FBXO30: variants seen among roughly 807,000 people sequenced by gnomAD.
The protein encoded by FBXO30 is F-box only protein 30.
A neutral mutation model predicts 58.1 loss-of-function variants in FBXO30; 21 were observed. The observed-to-expected ratio is 0.36, with a 90% CI of 0.26 to 0.52. FBXO30 has a LOEUF of 0.52. Ranked by LOEUF, FBXO30 falls within the 20% of genes least tolerant of loss-of-function variation. The probability of loss-of-function intolerance (pLI) is 0.93; values close to 1 mark genes in which losing one functional copy is unlikely to be tolerated. For synonymous variants in FBXO30, 309 were observed against 312.4 expected, an observed-to-expected ratio of 0.99 and a Z score of 0.11; for missense variants, 744 against 897.3, an observed-to-expected ratio of 0.83 and a Z score of 2.18.
At position 145,797,405 on chromosome 6, in the gene FBXO30, C is replaced by A. The variant is rs1271350586; in HGVS notation, c.*2701G>T. The A allele has an allele frequency of 6.6e-6, 1 of 152,040 alleles. No individual in the cohort carries two copies. Among genetic ancestry groups the A allele is most frequent in the Non-Finnish European group, 1.5e-5 (1 of 67,970 alleles). The allele number at this position is 152,040 out of a possible 1,614,324, so 9.4% of individuals were successfully genotyped here. Reference sequence around the variant, plus strand: ...ACACACAGGTACACACATATATCCACTCCAGTAATGCACCAGAGGGTAGCT... The same window carrying A: ...ACACACAGGTACACACATATATCCAATCCAGTAATGCACCAGAGGGTAGCT... On this transcript the variant is annotated 3_prime_UTR_variant, in exon 3 of 3. Coordinates refer to ENST00000237281, the MANE Select transcript of FBXO30 (RefSeq NM_032145.5).
At position 145,797,135 on chromosome 6, in the gene FBXO30, AG is replaced by A; in HGVS notation, c.*2970del. ...CACTAAACAAGAGAATGAGATGACTAGGCTAAATGTTACTGCTAATGAACTA... is the reference window on the plus strand; with the variant it reads ...CACTAAACAAGAGAATGAGATGACTAGCTAAATGTTACTGCTAATGAACTA... On this transcript the variant is annotated 3_prime_UTR_variant, in exon 3 of 3. Transcript: ENST00000237281. 6.6e-6 allele frequency: 1 copy of A among 152,100 alleles called. No homozygotes were observed. The highest frequency in any genetic ancestry group is 2.1e-4 in the South Asian group (1 of 4,830). The allele number at this position is 152,100 out of a possible 1,614,324, so 9.4% of individuals were successfully genotyped here.
rs972723724 is a variant in FBXO30, at chr6:145,796,302, T to C, written c.*3804A>G. On this transcript the variant is annotated 3_prime_UTR_variant, in exon 3 of 3. Transcript: ENST00000237281. ...AAAGGACTTCATTAGAGTTGATCTT[T>C]TCTGAATTCGAACTTTGCTTTTTTG... 6.6e-6 allele frequency: 1 copy of C among 152,032 alleles called. No individual in the cohort carries two copies. The highest frequency in any genetic ancestry group is 1.5e-5 in the Non-Finnish European group (1 of 67,894). The allele number at this position is 152,032 out of a possible 1,614,324, so 9.4% of individuals were successfully genotyped here. A position where few individuals can be genotyped will look rare whatever the true frequency, so the allele number is the denominator to read the frequency against.
intron 2 of FBXO30, among the ~76,000 whole-genome samples, chr6:145,801,990 T>C (rs1778013154): frequency 6.6e-6 from 1 of 152,112 alleles, no homozygotes; most frequent in African/African-American, 2.4e-5. Context: ...AATGGATCCA[T>C]CTTTCACTCA....
chr6:145,804,422 C>T lies in FBXO30; in HGVS notation c.1984G>A (p.Gly662Arg), dbSNP rs777067857. 1 of 1,613,472 alleles carries T rather than the reference C, an allele frequency of 6.2e-7. No homozygotes were observed. Residue 662 changes from glycine to arginine, a missense_variant, in exon 2 of 3, where the codon GGG (glycine) becomes AGG (arginine). Physicochemically the swap from Gly to Arg is moderately radical, Grantham distance 125. This residue lies in a region of FBXO30 where 334 missense variants were observed against 433.7 expected (regional missense o/e 0.77). Transcript: ENST00000237281. The stretch of plus-strand genomic sequence containing the variant: ...TTTCCTTCTGGATACTTCCTTTTCC[C>T]CCACTGCAGTATGACCATGCCACGA... ...QSRGMVILQW[G>R]KRKYPEGNSS... is the part of the protein sequence containing the mutation.
In FBXO30 at chr6:145,797,375, C is replaced by T. The variant is rs2128663820; in HGVS notation, c.*2731G>A. 6.6e-6 allele frequency: 1 copy of T among 152,060 alleles called. No homozygotes were observed. The highest frequency in any genetic ancestry group is 2.4e-5 in the African/African-American group (1 of 41,508). The allele number at this position is 152,060 out of a possible 1,614,324, so 9.4% of individuals were successfully genotyped here. A position where few individuals can be genotyped will look rare whatever the true frequency, so the allele number is the denominator to read the frequency against. ...CTTTTGGATTACACATATATTTATACAAACACACACAGGTACACACATATA... is the reference window on the plus strand; with the variant it reads ...CTTTTGGATTACACATATATTTATATAAACACACACAGGTACACACATATA... On this transcript the variant is annotated 3_prime_UTR_variant, in exon 3 of 3. Transcript: ENST00000237281.
rs945640907 is a variant in FBXO30 at position 145,798,711 on chromosome 6, T to G, written c.*1395A>C. ...AATCTTAAGCTTCAGAACTCTCTAA[T>G]GCTTAAGGAACGCCTCTGCCTGATT... is the stretch of plus-strand genomic sequence containing the variant. On this transcript the variant is annotated 3_prime_UTR_variant, in exon 3 of 3. Coordinates refer to ENST00000237281, the MANE Select transcript of FBXO30 (RefSeq NM_032145.5). The G allele has an allele frequency of 9.8e-5, 15 of 152,354 alleles. No homozygotes were observed. The highest frequency in any genetic ancestry group is 3.6e-4 in the African/African-American group (15 of 41,542). 9.4% of individuals were successfully genotyped at this position (152,354 alleles called of 1,614,324 possible). A position where few individuals can be genotyped will look rare whatever the true frequency, so the allele number is the denominator to read the frequency against.
In FBXO30 at chr6:145,794,395, G is replaced by A. The variant is rs1345117795; in HGVS notation, c.*5711C>T. On this transcript the variant is annotated 3_prime_UTR_variant, in exon 3 of 3. Transcript: ENST00000237281. ...CAGTTAAAGTTTTCAATACTGAGTA[G>A]TATTCAAACATTGATCAAATGAACA... 2.0e-5 allele frequency: 3 copies of A among 151,892 alleles called. No homozygotes were observed. Among genetic ancestry groups the A allele is most frequent in the Non-Finnish European group, 2.9e-5 (2 of 67,836 alleles). 9.4% of individuals were successfully genotyped at this position (151,892 alleles called of 1,614,324 possible).
intron 1 of FBXO30, among the ~76,000 whole-genome samples, chr6:145,807,503 C>T (rs958560503): frequency 6.6e-6 from 1 of 152,136 alleles, no homozygotes; most frequent in Admixed American, 6.5e-5. Flanking sequence ...GAGATGAGGT[C>T]AGAAAGGAAT....
At chr6:145,812,056 G>C (rs964185577) in intron 1 of FBXO30, 2 of 152,134 alleles carry the variant, frequency 1.3e-5, no homozygotes, top group Non-Finnish European at 2.9e-5. Flanking sequence ...AAATCAAAAA[G>C]GCATTATCCT....
rs1424141722 is a variant in FBXO30 at position 145,795,023 on chromosome 6, T to C, written c.*5083A>G. ...TTTTTCAATTTCAATCTTTTGAATA[T>C]TAACAAATTGTTACTGTTCTTATGT... is the stretch of plus-strand genomic sequence containing the variant. On this transcript the variant is annotated 3_prime_UTR_variant, in exon 3 of 3. Transcript: ENST00000237281. 6.6e-6 allele frequency: 1 copy of C among 151,738 alleles called. No homozygotes were observed. Among genetic ancestry groups the C allele is most frequent in the Non-Finnish European group, 1.5e-5 (1 of 67,742 alleles). The allele number at this position is 151,738 out of a possible 1,614,324, so 9.4% of individuals were successfully genotyped here. A position where few individuals can be genotyped will look rare whatever the true frequency, so the allele number is the denominator to read the frequency against.
At chr6:145,808,715 C>CG (rs1778251943) in intron 1 of FBXO30, among the ~76,000 whole-genome samples, 1 of 152,150 alleles carries the variant, frequency 6.6e-6, no homozygotes, top group Non-Finnish European at 1.5e-5. Context: ...ACAGGCAACT[C>CG]AGTTCAACAT....
At chr6:145,807,759 A>AT (rs1432239518) in intron 1 of FBXO30, among the ~76,000 whole-genome samples, 1 of 152,272 alleles carries the variant, frequency 6.6e-6, no homozygotes, top group East Asian at 1.9e-4. Flanking sequence ...TATTCAATGT[A>AT]TTTTTAGTAT....
In FBXO30 at chr6:145,795,334, C is replaced by T. The variant is rs538052690; in HGVS notation, c.*4772G>A. ...TGGTCTTAAGAGTTCAACACAAATG[C>T]AGTTTTGTTACTTTCAAATACACGA... is the stretch of plus-strand genomic sequence containing the variant. On this transcript the variant is annotated 3_prime_UTR_variant, in exon 3 of 3. Coordinates refer to ENST00000237281, the MANE Select transcript of FBXO30 (RefSeq NM_032145.5). The T allele has an allele frequency of 3.1e-4, 47 of 151,938 alleles. No homozygotes were observed. The highest frequency in any genetic ancestry group is 1.1e-3 in the African/African-American group (45 of 41,526). 9.4% of individuals were successfully genotyped at this position (151,938 alleles called of 1,614,324 possible). A position where few individuals can be genotyped will look rare whatever the true frequency, so the allele number is the denominator to read the frequency against.
chr6:145,808,348 G>A (rs1032009425), intron 1 of FBXO30, among the ~76,000 whole-genome samples: 12 of 151,974 alleles, frequency 7.9e-5, no homozygotes, highest in Admixed American at 4.6e-4. Context: ...AAATCTGGAG[G>A]CATATTTTTC....
rs189609310 is a variant in FBXO30 at position 145,806,066 on chromosome 6, C to T, written c.340G>A (p.Val114Ile). Residue 114 changes from valine (V) to isoleucine (I), a missense_variant, in exon 2 of 3, where the codon GTC (valine) becomes ATC (isoleucine). Physicochemically the swap from Val to Ile is conservative, Grantham distance 29 (BLOSUM62 3). Coordinates refer to ENST00000237281, the MANE Select transcript of FBXO30 (RefSeq NM_032145.5). ...ATATCCAATTGTGCCACTTCATCGA[C>T]ATCTCTGCTTAGATTTTCATATGAT... ...RKSYENLSRDVDEVAQLDMAL... is the reference protein window; with the variant it reads ...RKSYENLSRDIDEVAQLDMAL... 82 of 1,614,090 alleles carry T rather than the reference C, an allele frequency of 5.1e-5. No homozygotes were observed. In the Admixed American group the frequency reaches 9.8e-4, roughly 19 times the overall value.
chr6:145,809,588 A>G (rs1778278361), intron 1 of FBXO30, among the ~76,000 whole-genome samples: 1 of 152,208 alleles, frequency 6.6e-6, no homozygotes, highest in African/African-American at 2.4e-5. Context: ...GGTAGAAGGA[A>G]AGTAGTCAAG....
Position 145,804,564 on chromosome 6 carries a change from A to C in FBXO30, c.1842T>G (p.Ser614Arg). The C allele has an allele frequency of 6.2e-7, 1 of 1,613,734 alleles. No homozygotes were observed. Among genetic ancestry groups the C allele is most frequent in the Non-Finnish European group, 8.5e-7 (1 of 1,179,824 alleles). Residue 614 changes from serine (S) to arginine (R), a missense_variant, in exon 2 of 3, where the codon AGT becomes AGG. Coordinates refer to ENST00000237281, the MANE Select transcript of FBXO30 (RefSeq NM_032145.5). ...GCTGCAGGACCTCAAAAGGAAGACT[A>C]CTTAGATGGTCATTATGTAATCCCA... ...CVLGLHNDHL[S>R]SLPFEVLQHI... is the part of the protein sequence containing the mutation.
chr6:145,804,380 T>C lies in FBXO30; in HGVS notation c.2026A>G (p.Lys676Glu). Residue 676 changes from lysine to glutamate, a missense_variant, in exon 2 of 3, where the codon AAA becomes GAA. Coordinates refer to ENST00000237281, the MANE Select transcript of FBXO30 (RefSeq NM_032145.5). ...GTAAAGATTACACTAACCTTTTCTTTTATCTGCCATGATGAATTTCCTTCT... is the reference window on the plus strand; with the variant it reads ...GTAAAGATTACACTAACCTTTTCTTCTATCTGCCATGATGAATTTCCTTCT... ...YPEGNSSWQI[K>E]EKVWRFSTAF... 6.2e-7 allele frequency: 1 copy of C among 1,610,612 alleles called. No homozygotes were observed. Among genetic ancestry groups the C allele is most frequent in the Non-Finnish European group, 8.5e-7 (1 of 1,178,376 alleles).
Position 145,805,304 on chromosome 6 carries a change from T to C in FBXO30, c.1102A>G (p.Lys368Glu), listed in dbSNP as rs759852038. ...TTCACGTCCCCTAAGTCTACTTTTT[T>C]CCAACACAATTCACCTTCACCTTCA... ...DDEGEGELCW[K>E]KVDLGDVKNV... The change falls in exon 2 of 3, where the codon AAA becomes GAA. Residue 368 changes from lysine (K) to glutamate (E), a missense_variant. Around this residue, in one of 3 missense-constraint regions of FBXO30, gnomAD observed 275 missense variants for 262.0 expected, o/e 1.05. Transcript: ENST00000237281. The C allele has an allele frequency of 6.2e-7, 1 of 1,614,106 alleles. No individual in the cohort carries two copies. Among genetic ancestry groups the C allele is most frequent in the Non-Finnish European group, 8.5e-7 (1 of 1,179,982 alleles).
Sources: allele counts gnomAD v4.1 joint callset (sites outside exome capture counted in the v4.1 genomes callset), GRCh38; gene constraint gnomAD v4.1.1; regional missense constraint gnomAD v4.1.1; transcripts MANE v1.5; gene names NCBI Gene and HGNC (gene_info 2026-07-23, HGNC 2026-07-21).